Variants in CDH12 observed in about 807,000 individuals in gnomAD.
The protein encoded by CDH12 is cadherin 12.
A neutral mutation model predicts 74.1 loss-of-function variants in CDH12; 41 were observed. The ratio of observed to expected loss-of-function variants is 0.55; its 90% CI spans 0.43 to 0.72. The LOEUF (loss-of-function observed/expected upper bound fraction) is 0.72, where lower values mean the gene tolerates loss of function less well. Ranked by LOEUF, CDH12 falls within the 30% of genes least tolerant of loss-of-function variation. CDH12 has a pLI of 0.00. For missense variants in CDH12, 945 were observed against 977.2 expected (o/e 0.97, Z 0.44); for synonymous variants, 399 against 355.0 (o/e 1.12, Z -1.39).
chr5:22,775,029 A>C (rs1747019105), intron 1 of CDH12, among the ~76,000 whole-genome samples: 1 of 151,112 alleles, frequency 6.6e-6, no homozygotes, highest in African/African-American at 2.4e-5. Context: ...TATTTATATA[A>C]TATCTATATA....
At chr5:22,707,102 A>G (rs571697427) in intron 1 of CDH12, among the ~76,000 whole-genome samples, 9 of 152,270 alleles carry the variant, frequency 5.9e-5, no homozygotes, top group African/African-American at 2.2e-4. Context: ...AACTGGCCTT[A>G]TTACAACCTA....
intron 4 of CDH12, among the ~76,000 whole-genome samples, chr5:22,199,325 G>C (rs1222941649): frequency 6.6e-6 from 1 of 152,290 alleles, no homozygotes; most frequent in Non-Finnish European, 1.5e-5. Flanking sequence ...GATAACTCAG[G>C]AGTCTGTAAA....
intron 1 of CDH12, among the ~76,000 whole-genome samples, chr5:22,842,188 A>T (rs1737109029): frequency 6.6e-6 from 1 of 152,172 alleles, no homozygotes. Context: ...ACTAAACTTT[A>T]CTTCTACATG....
chr5:21,772,584 C>T (rs892088685), intron 11 of CDH12, among the ~76,000 whole-genome samples: 1 of 152,120 alleles, frequency 6.6e-6, no homozygotes, highest in Non-Finnish European at 1.5e-5. Flanking sequence ...CAAATAGAAT[C>T]TTTGATACTA....
intron 5 of CDH12, among the ~76,000 whole-genome samples, chr5:22,024,643 G>C (rs1236965106): frequency 2.0e-5 from 3 of 152,100 alleles, no homozygotes; most frequent in Non-Finnish European, 4.4e-5. Context: ...CTCCCAGGTA[G>C]CTGGGATTAC....
chr5:21,928,313 G>A (rs1754684302), intron 6 of CDH12, among the ~76,000 whole-genome samples: 1 of 152,146 alleles, frequency 6.6e-6, no homozygotes, highest in African/African-American at 2.4e-5. Context: ...TAAGGAAAAT[G>A]AAACACACTC....
At chr5:22,817,251 A>T (rs1200102763) in intron 1 of CDH12, among the ~76,000 whole-genome samples, 1 of 152,108 alleles carries the variant, frequency 6.6e-6, no homozygotes, top group African/African-American at 2.4e-5. Flanking sequence ...AATGTAGAAA[A>T]TTTGTCAGAA....
At chr5:22,189,850 T>TA (rs70957100) in intron 4 of CDH12, among the ~76,000 whole-genome samples, 1 of 152,088 alleles carries the variant, frequency 6.6e-6, no homozygotes, top group East Asian at 1.9e-4. Context: ...TACCACATCT[T>TA]CCCCCCGCCT....
At position 22,740,735 on chromosome 5, in the gene CDH12, C is replaced by T. The variant is rs144351088; in HGVS notation, c.-523+112323G>A. On this transcript the variant is annotated intron_variant, in intron 1 of 14. Transcript: ENST00000382254. ...TGTTTTAAAACTTAATCTCCCTGAA[C>T]TTGTGTTGGGGAAAGGCTTAAATGA... Among the ~76,000 whole-genome samples the T allele has an allele frequency of 7.2e-5, 11 of 152,102 alleles. No homozygotes were observed. The East Asian group carries it at 1.9e-3, about 27-fold the overall frequency.
intron 1 of CDH12, among the ~76,000 whole-genome samples, chr5:22,809,469 G>T (rs184262350): frequency 2.0e-5 from 3 of 151,438 alleles, no homozygotes; most frequent in African/African-American, 7.3e-5. Context: ...TTCATAAAAT[G>T]CTTTTAAATA....
chr5:22,331,255 C>A (rs1739340157), intron 3 of CDH12, among the ~76,000 whole-genome samples: 1 of 152,230 alleles, frequency 6.6e-6, no homozygotes, highest in Non-Finnish European at 1.5e-5. Flanking sequence ...AAGGAAAGGG[C>A]CTTAGGCAAG....
At chr5:22,732,578 T>G (rs951230866) in intron 1 of CDH12, among the ~76,000 whole-genome samples, 1 of 151,478 alleles carries the variant, frequency 6.6e-6, no homozygotes, top group Admixed American at 6.6e-5. Flanking sequence ...GATGCAGTGG[T>G]TAAGTTAGAG....
intron 1 of CDH12, among the ~76,000 whole-genome samples, chr5:22,844,659 A>G (rs1737221214): frequency 1.3e-5 from 2 of 152,188 alleles, no homozygotes; most frequent in Non-Finnish European, 1.5e-5. Flanking sequence ...GTTCAAAGAA[A>G]AAGAAAAGAC....
intron 1 of CDH12, among the ~76,000 whole-genome samples, chr5:22,635,658 G>A (rs1008783961): frequency 6.6e-6 from 1 of 152,190 alleles, no homozygotes; most frequent in Non-Finnish European, 1.5e-5. Flanking sequence ...GCTCAAGCCT[G>A]TAATACCAGC....
At chr5:21,791,667 T>G (rs921797370) in intron 10 of CDH12, among the ~76,000 whole-genome samples, 1 of 139,510 alleles carries the variant, frequency 7.2e-6, no homozygotes, top group African/African-American at 2.6e-5. Context: ...TACAATTATG[T>G]ACAGTGATTG....
intron 3 of CDH12, among the ~76,000 whole-genome samples, chr5:22,382,937 T>A (rs1255110247): frequency 1.3e-5 from 2 of 152,066 alleles, no homozygotes; most frequent in Non-Finnish European, 2.9e-5. Flanking sequence ...TTCAAACAAT[T>A]CTCCTGCCTC....
chr5:21,796,052 T>C (rs939553808), intron 10 of CDH12, among the ~76,000 whole-genome samples: 129 of 152,070 alleles, frequency 8.5e-4, no homozygotes, highest in Non-Finnish European at 5.4e-4. Context: ...TGTTTTCTGA[T>C]TATTATTTAA....
chr5:22,158,986 A>G (rs1055157206), intron 4 of CDH12, among the ~76,000 whole-genome samples: 9 of 152,272 alleles, frequency 5.9e-5, no homozygotes, highest in African/African-American at 2.2e-4. Context: ...CGTTACTTAA[A>G]AATTTGAGCA....
chr5:22,624,641 A>G (rs1472550459), intron 1 of CDH12, among the ~76,000 whole-genome samples: 1 of 152,228 alleles, frequency 6.6e-6, no homozygotes, highest in Admixed American at 6.5e-5. Flanking sequence ...AATGGCGATC[A>G]TTAAAAAGTC....
Sources: gnomAD v4.1 joint callset for allele counts (sites outside exome capture counted in the v4.1 genomes callset) on GRCh38, gnomAD v4.1.1 for gene constraint, MANE v1.5 for transcripts, NCBI Gene and HGNC (gene_info 2026-07-23, HGNC 2026-07-21) for gene names.